The following TARS2 variants were observed in gnomAD, a reference collection of about 807,000 sequenced individuals.
TARS2 encodes the protein threonine--tRNA ligase, mitochondrial.
A neutral mutation model predicts 94.4 loss-of-function variants in TARS2; 61 were observed. The observed-to-expected ratio is 0.65, with a 90% confidence interval of 0.53 to 0.80. The LOEUF (loss-of-function observed/expected upper bound fraction) is 0.80, where lower values mean the gene tolerates loss of function less well. Ranked by LOEUF, TARS2 falls within the 30% of genes least tolerant of loss-of-function variation. The pLI, the probability that TARS2 is intolerant of heterozygous loss-of-function variation, is 0.00. For synonymous variants in TARS2, 359 were observed against 353.4 expected (o/e 1.02, Z -0.18); for missense variants, 704 against 902.5 (o/e 0.78, Z 2.82).
chr1:150,489,766 A>G (rs1275144215), intron 3 of TARS2, among the ~76,000 whole-genome samples: 16 of 152,086 alleles, frequency 1.1e-4, no homozygotes, highest in Non-Finnish European at 1.0e-4. Flanking sequence ...CATAGTAGAA[A>G]CCCCGTCTCT....
At chr1:150,506,515 C>CACAG (rs1491023908) in intron 17 of TARS2, among the ~76,000 whole-genome samples, 1 of 138,470 alleles carries the variant, frequency 7.2e-6, no homozygotes, top group Non-Finnish European at 1.6e-5. Flanking sequence ...CACACACACA[C>CACAG]AGTTTCTCTC....
intron 7 of TARS2, 111 bp downstream of exon 7, chr1:150,492,600 A>C: frequency 1.8e-6 from 2 of 1,128,378 alleles, no homozygotes. Context: ...TCATAAAGTC[A>C]GGAGTTTGAG....
chr1:150,496,879 G>A lies in TARS2; in HGVS notation c.991G>A (p.Val331Met), dbSNP rs757916220. 19 of 1,614,122 alleles carry A rather than the reference G, an allele frequency of 1.2e-5. No homozygotes were observed. The highest frequency in any genetic ancestry group is 1.4e-5 in the Non-Finnish European group (17 of 1,180,010). ...CTTCTTCCTGCCACGAGGGACAAGG[G>A]TGTATAATGCACTAGTGGCGTTTAT... Reference protein sequence around the residue: ...SCFFLPRGTRVYNALVAFIRA... With the variant: ...SCFFLPRGTRMYNALVAFIRA... Residue 331 changes from valine to methionine, a missense_variant, in exon 9 of 18, where the codon GTG (valine) becomes ATG (methionine). This residue lies in a region of TARS2 where 466 missense variants were observed against 609.5 expected (regional missense o/e 0.76). Transcript: ENST00000369064.
At chr1:150,490,950 G>A (rs1669355527) in intron 4 of TARS2, among the ~76,000 whole-genome samples, 1 of 151,964 alleles carries the variant, frequency 6.6e-6, no homozygotes, top group African/African-American at 2.4e-5. Context: ...AGCTACTTGG[G>A]AGGCTGAGGT....
chr1:150,505,472 G>A (rs1375523741), intron 16 of TARS2, 119 bp from the exon 17 acceptor site: 2 of 891,344 alleles, frequency 2.2e-6, no homozygotes, highest in Admixed American at 1.9e-5. Flanking sequence ...AAGAAGTGGA[G>A]AGCCCCGAGG....
chr1:150,505,769 C>T, intron 17 of TARS2, 64 bp downstream of exon 17: 2 of 1,513,614 alleles, frequency 1.3e-6, no homozygotes, highest in Non-Finnish European at 1.8e-6. Flanking sequence ...GTTAAGTTTA[C>T]CAAGTCTGGT....
chr1:150,492,682 C>T (rs1570839764), intron 7 of TARS2, among the ~76,000 whole-genome samples, 193 bp downstream of exon 7: 1 of 151,430 alleles, frequency 6.6e-6, no homozygotes, highest in African/African-American at 2.4e-5. Context: ...TGGTGGCACA[C>T]ACCTGTAGTC....
At chr1:150,490,843 C>T (rs1462959253) in intron 4 of TARS2, 118 bp downstream of exon 4, 1 of 1,422,750 alleles carries the variant, frequency 7.0e-7, no homozygotes, top group East Asian at 2.3e-5. Context: ...TTCTCTAGGT[C>T]TCAACTATGA....
At chr1:150,492,884 A>AC (rs1421481941) in intron 7 of TARS2, among the ~76,000 whole-genome samples, 2 of 142,626 alleles carry the variant, frequency 1.4e-5, no homozygotes, top group Non-Finnish European at 3.1e-5. Flanking sequence ...TTCTGTCGGC[A>AC]CCCCCCTTTT....
At chr1:150,496,433 G>A (rs377133912) in intron 7 of TARS2, 49 bp from the exon 8 acceptor site, 42 of 1,544,496 alleles carry the variant, frequency 2.7e-5, no homozygotes, top group Non-Finnish European at 3.6e-5. Context: ...GAAAAAGGTG[G>A]GGGCCTTCAG....
intron 7 of TARS2, among the ~76,000 whole-genome samples, chr1:150,494,217 A>G (rs587654242): frequency 2.0e-5 from 3 of 150,286 alleles, no homozygotes; most frequent in Admixed American, 1.3e-4. Context: ...AAATACACAA[A>G]TTAGCTGGGT....
At chr1:150,490,761 G>T (rs772105507) in intron 4 of TARS2, 36 bp downstream of exon 4, 4 of 1,611,822 alleles carry the variant, frequency 2.5e-6, no homozygotes, top group Non-Finnish European at 3.4e-6. Context: ...ATGATTCTGG[G>T]ATGGTTTCTG....
rs1042740553 is a variant in TARS2, at chr1:150,507,049, C to T, written c.2142C>T (p.Ala714=). 40 of 1,613,944 alleles carry T rather than the reference C, an allele frequency of 2.5e-5. 1 individual carries two copies. The highest frequency in any genetic ancestry group is 3.3e-4 in the Middle Eastern group (2 of 6,080). The change falls in exon 18 of 18, where the codon GCC becomes GCT. Residue 714 remains alanine, a synonymous_variant. Coordinates refer to ENST00000369064, the MANE Select transcript of TARS2 (RefSeq NM_025150.5). ...VELQNTRVPN[A]EEIF ...TACAGAACACGAGGGTCCCAAATGC[C>T]GAAGAAATTTTCTGAGCCTTTGTAC...
At position 150,487,488 on chromosome 1, in the gene TARS2, A is replaced by C. The variant is rs781611900; in HGVS notation, c.38A>C (p.Gln13Pro). ...CAGAGGTGGCGGTGTCTCCGGCTCCAAGGTTTACAGGCTTGCAGGCTACAC... is the reference window on the plus strand; with the variant it reads ...CAGAGGTGGCGGTGTCTCCGGCTCCCAGGTTTACAGGCTTGCAGGCTACAC... ...LYQRWRCLRL[Q>P]GLQACRLHTA... Residue 13 changes from glutamine to proline, a missense_variant, in exon 1 of 18, where the codon CAA (glutamine) becomes CCA (proline). Gln to Pro is a moderately conservative substitution (Grantham distance 76). Coordinates refer to ENST00000369064, the MANE Select transcript of TARS2 (RefSeq NM_025150.5). The C allele has an allele frequency of 8.7e-6, 14 of 1,614,226 alleles. No individual in the cohort carries two copies. The highest frequency in any genetic ancestry group is 1.2e-5 in the Non-Finnish European group (14 of 1,180,036).
At chr1:150,505,812 C>G (rs2102513794) in intron 17 of TARS2, 107 bp downstream of exon 17, 2 of 1,030,342 alleles carry the variant, frequency 1.9e-6, no homozygotes, top group South Asian at 3.1e-5. Context: ...GGCTCATTAC[C>G]TGAGCAGGTA....
rs2275245 is a variant in TARS2, at chr1:150,487,872, C to T, written c.81C>T (p.Thr27=). 0.015 allele frequency: 24,673 copies of T among 1,612,718 alleles called. 1,745 individuals are homozygous for T. The highest frequency in any genetic ancestry group is 0.14 in the Admixed American group (8,600 of 59,920). ...TTTCCCTCCAGGCAGTTGTGTCGAC[C>T]CCTCCACGCTGGTTGGCAGAGCGGC... The part of the protein sequence containing the change: ...ACRLHTAVVS[T]PPRWLAERLG... Residue 27 remains threonine (T), a synonymous_variant, in exon 2 of 18, where the codon ACC becomes ACT. Coordinates refer to ENST00000369064, the MANE Select transcript of TARS2 (RefSeq NM_025150.5).
At chr1:150,487,640 A>G in intron 1 of TARS2, 124 bp downstream of exon 1, 1 of 1,368,128 alleles carries the variant, frequency 7.3e-7, no homozygotes, top group Admixed American at 2.2e-5. Context: ...GTCCCCAGAA[A>G]AGGACTCGTA....
At chr1:150,499,665 C>T (rs1481641474) in intron 13 of TARS2, among the ~76,000 whole-genome samples, 1 of 152,102 alleles carries the variant, frequency 6.6e-6, no homozygotes, top group Non-Finnish European at 1.5e-5. Flanking sequence ...CGCACCCGGC[C>T]ACAAAGAAAT....
At position 150,497,882 on chromosome 1, in the gene TARS2, G is replaced by A. The variant is rs1286721391; in HGVS notation, c.1238+135G>A. The A allele has an allele frequency of 2.3e-5, 19 of 842,166 alleles. No individual in the cohort carries two copies. The South Asian group carries it at 2.7e-4, about 12-fold the overall frequency. The allele number at this position is 842,166 out of a possible 1,614,324, so 52.2% of individuals were successfully genotyped here. A position where few individuals can be genotyped will look rare whatever the true frequency, so the allele number is the denominator to read the frequency against. On this transcript the variant is annotated intron_variant, in intron 10 of 17. Transcript: ENST00000369064. ...CGAGGCGGGCGGATCACCTGAGGTC[G>A]GGAGTTTGAGACCAGCCTGACCAAC...
Sources: gnomAD v4.1 joint callset for allele counts (sites outside exome capture counted in the v4.1 genomes callset) on GRCh38, gnomAD v4.1.1 for gene constraint, gnomAD v4.1.1 regional missense constraint, MANE v1.5 for transcripts, NCBI Gene and HGNC (gene_info 2026-07-23, HGNC 2026-07-21) for gene names.